ARHGEF38: variants seen among roughly 807,000 people sequenced by gnomAD.
ARHGEF38 encodes the protein Rho guanine nucleotide exchange factor 38.
ARHGEF38 carries 79 observed loss-of-function variants against 79.9 expected under a neutral mutation model. That is an observed-to-expected ratio of 0.99 (90% CI 0.82 to 1.19). ARHGEF38 has a LOEUF of 1.19. Among genes scored for constraint, ARHGEF38 ranks in the 50% most tolerant of loss-of-function variants. The pLI is 0.00. For synonymous variants in ARHGEF38, 366 were observed against 328.3 expected (o/e 1.11, Z -1.24); for missense variants, 962 against 907.2 (o/e 1.06, Z -0.78).
intron 7 of ARHGEF38, among the ~76,000 whole-genome samples, chr4:105,651,391 G>A (rs1014142221): frequency 2.6e-5 from 4 of 152,152 alleles, no homozygotes; most frequent in Non-Finnish European, 5.9e-5. Flanking sequence ...AGCTATTACC[G>A]AAGAGGAAGA....
chr4:105,595,683 A>G (rs1244677750), intron 2 of ARHGEF38, among the ~76,000 whole-genome samples: 2 of 152,182 alleles, frequency 1.3e-5, no homozygotes, highest in Non-Finnish European at 2.9e-5. Flanking sequence ...CTGACGTAAA[A>G]TGCAATGGTT....
At chr4:105,599,250 T>C (rs1050658136) in intron 2 of ARHGEF38, among the ~76,000 whole-genome samples, 7 of 152,190 alleles carry the variant, frequency 4.6e-5, no homozygotes, top group African/African-American at 1.7e-4. Context: ...CTCCTTGTTG[T>C]TACATTTATA....
chr4:105,648,247 T>C (rs969320435), intron 6 of ARHGEF38, among the ~76,000 whole-genome samples: 2 of 151,984 alleles, frequency 1.3e-5, no homozygotes, highest in African/African-American at 2.4e-5. Flanking sequence ...AGATAATAAA[T>C]GTATTATCTG....
intron 4 of ARHGEF38, among the ~76,000 whole-genome samples, 176 bp from the exon 5 acceptor site, chr4:105,636,227 A>G (rs1560737259): frequency 6.6e-6 from 1 of 152,044 alleles, no homozygotes; most frequent in Admixed American, 6.6e-5. Flanking sequence ...AAAAACTTTC[A>G]TCTTCTTTAT....
chr4:105,647,351 T>C (rs894956482), intron 6 of ARHGEF38, among the ~76,000 whole-genome samples: 3 of 152,184 alleles, frequency 2.0e-5, no homozygotes, highest in Admixed American at 1.3e-4. Context: ...TACTATAGTT[T>C]GTTTTTTTAA....
intron 2 of ARHGEF38, among the ~76,000 whole-genome samples, chr4:105,610,712 G>A (rs1460584454): frequency 6.6e-6 from 1 of 152,004 alleles, no homozygotes; most frequent in African/African-American, 2.4e-5. Context: ...GCCAATTGAT[G>A]TTTTAATCCT....
At chr4:105,645,691 T>G (rs186387064) in intron 6 of ARHGEF38, among the ~76,000 whole-genome samples, 233 of 152,328 alleles carry the variant, frequency 1.5e-3, no homozygotes, top group African/African-American at 5.4e-3. Context: ...AGTCCTCCTG[T>G]CACTGGAGAT....
intron 10 of ARHGEF38, among the ~76,000 whole-genome samples, chr4:105,664,192 TC>T (rs1730668047): frequency 6.6e-6 from 1 of 152,196 alleles, no homozygotes; most frequent in Non-Finnish European, 1.5e-5. Flanking sequence ...GGTAACTCTA[TC>T]TTTTTGAAGA....
Position 105,659,055 on chromosome 4 carries a change from C to T in ARHGEF38, c.1235C>T (p.Ala412Val). 1.3e-6 allele frequency: 2 copies of T among 1,527,984 alleles called. No individual in the cohort carries two copies. Among genetic ancestry groups the T allele is most frequent in the South Asian group, 1.2e-5 (1 of 83,034 alleles). The allele number at this position is 1,527,984 out of a possible 1,614,324, so 94.7% of individuals were successfully genotyped here. A position where few individuals can be genotyped will look rare whatever the true frequency, so the allele number is the denominator to read the frequency against. ...TGGGCTCATTTTTTCTTTTGGCAGG[C>T]ATCTCACTTACAGAGACTCATCCTG... ...SNALNSCHDF[A>V]SHLQRLILTP... The change falls in exon 10 of 14, where the codon GCA becomes GTA. Residue 412 changes from alanine to valine, a missense_variant and splice_region_variant. Transcript: ENST00000420470.
intron 2 of ARHGEF38, among the ~76,000 whole-genome samples, chr4:105,593,096 G>A (rs1235507697): frequency 6.6e-6 from 1 of 151,886 alleles, no homozygotes; most frequent in African/African-American, 2.4e-5. Context: ...GATCCTAAAG[G>A]AATCATCTAT....
At chr4:105,663,723 A>G (rs1730645746) in intron 10 of ARHGEF38, among the ~76,000 whole-genome samples, 1 of 152,210 alleles carries the variant, frequency 6.6e-6, no homozygotes, top group Non-Finnish European at 1.5e-5. Flanking sequence ...TAATCCCAGC[A>G]CTTTGGGAGG....
At chr4:105,579,183 T>C (rs559901095) in intron 1 of ARHGEF38, among the ~76,000 whole-genome samples, 1 of 152,188 alleles carries the variant, frequency 6.6e-6, no homozygotes, top group Non-Finnish European at 1.5e-5. Flanking sequence ...TTATGTCATC[T>C]GCAAACAGGA....
chr4:105,618,589 C>A (rs890473098), intron 3 of ARHGEF38, among the ~76,000 whole-genome samples: 3 of 151,966 alleles, frequency 2.0e-5, no homozygotes, highest in African/African-American at 7.3e-5. Flanking sequence ...CCACTGCACT[C>A]CAGCCTGGGT....
At chr4:105,581,993 G>A (rs765536121) in intron 1 of ARHGEF38, among the ~76,000 whole-genome samples, 1 of 151,590 alleles carries the variant, frequency 6.6e-6, no homozygotes, top group Admixed American at 6.6e-5. Context: ...GTGAAACCCC[G>A]TCTCTACTAA....
intron 2 of ARHGEF38, among the ~76,000 whole-genome samples, chr4:105,604,113 G>A (rs572103400): frequency 4.4e-4 from 67 of 152,266 alleles, no homozygotes; most frequent in Middle Eastern, 3.4e-3. Context: ...AGGAGGCAAA[G>A]CAGAAAAGAG....
At chr4:105,633,009 T>A (rs1394807688) in intron 4 of ARHGEF38, 1 of 152,744 alleles carries the variant, frequency 6.5e-6, no homozygotes, top group Non-Finnish European at 1.5e-5. Flanking sequence ...AAGTCTCAGT[T>A]ACTGAAAATT....
At chr4:105,586,470 T>C (rs1302926691) in intron 1 of ARHGEF38, among the ~76,000 whole-genome samples, 5 of 152,178 alleles carry the variant, frequency 3.3e-5, no homozygotes, top group African/African-American at 7.2e-5. Context: ...TTGAGCAGTA[T>C]TGGAAAACCT....
chr4:105,650,206 G>A (rs1011360371), intron 7 of ARHGEF38, among the ~76,000 whole-genome samples: 4 of 152,076 alleles, frequency 2.6e-5, no homozygotes, highest in South Asian at 4.2e-4. Context: ...TGTATTAATC[G>A]TATTTTTTAC....
chr4:105,653,881 C>T (rs1730212686), intron 7 of ARHGEF38, among the ~76,000 whole-genome samples, 184 bp from the exon 8 acceptor site: 1 of 152,196 alleles, frequency 6.6e-6, no homozygotes, highest in Non-Finnish European at 1.5e-5. Context: ...ACTACACTAA[C>T]TGAGCATCAG....
Sources: gnomAD v4.1 joint callset for allele counts (sites outside exome capture counted in the v4.1 genomes callset) on GRCh38, gnomAD v4.1.1 for gene constraint, MANE v1.5 for transcripts, NCBI Gene and HGNC (gene_info 2026-07-23, HGNC 2026-07-21) for gene names.